Variants in PFAS observed in about 807,000 individuals in gnomAD.
The protein encoded by PFAS is FGAM synthase.
A neutral mutation model predicts 140.6 loss-of-function variants in PFAS; 97 were observed. That is an observed-to-expected ratio of 0.69 (90% CI 0.59 to 0.82). PFAS has a LOEUF of 0.82. Among genes scored for constraint, PFAS ranks in the 40% least tolerant of loss-of-function variants. The pLI is 0.00. For missense variants in PFAS, 1,656 were observed against 1,780.2 expected, an observed-to-expected ratio of 0.93 and a Z score of 1.26; for synonymous variants, 679 against 718.8, an observed-to-expected ratio of 0.94 and a Z score of 0.88.
chr17:8,268,466 C>T, intron 26 of PFAS, 67 bp from the exon 27 acceptor site: 1 of 1,106,828 alleles, frequency 9.0e-7, no homozygotes, highest in Non-Finnish European at 1.3e-6. Context: ...CAGTTATGCC[C>T]CTTCATTCCC....
In PFAS at chr17:8,266,252, G is replaced by T. The variant is rs199830566; in HGVS notation, c.2720G>T (p.Gly907Val). The T allele has an allele frequency of 1.9e-5, 31 of 1,614,066 alleles. No individual in the cohort carries two copies. Among genetic ancestry groups the T allele is most frequent in the Non-Finnish European group, 2.6e-5 (31 of 1,179,986 alleles). Residue 907 changes from glycine to valine, a missense_variant, in exon 22 of 28, where the codon GGC becomes GTC. By Grantham distance (109) the Gly-to-Val change is moderately radical. Around this residue, in one of 2 missense-constraint regions of PFAS, gnomAD observed 883 missense variants for 1,023.0 expected, o/e 0.86. Coordinates refer to ENST00000314666, the MANE Select transcript of PFAS (RefSeq NM_012393.3). This position sits in a 1 kb window ranked among gnomAD's most constrained non-coding sequence, Gnocchi z 5.0. ...GLLKDRLLCS[G>V]HDVSDGGLVT... ...CCTCCAGACCGCCTCCTCTGCTCAGGCCACGATGTCAGTGACGGAGGCCTC... is the reference window on the plus strand; with the variant it reads ...CCTCCAGACCGCCTCCTCTGCTCAGTCCACGATGTCAGTGACGGAGGCCTC...
intron 9 of PFAS, among the ~76,000 whole-genome samples, 176 bp from the exon 10 acceptor site, chr17:8,257,631 A>G (rs1046226038): frequency 6.6e-6 from 1 of 152,080 alleles, no homozygotes; most frequent in Non-Finnish European, 1.5e-5. Flanking sequence ...GGTGGAAAGA[A>G]GACCAGTGCC....
rs1322917292 is a variant in PFAS, at chr17:8,256,581, C to T, written c.879C>T (p.Ser293=). The change falls in exon 8 of 28, where the codon AGC becomes AGT. Residue 293 remains serine, a synonymous_variant. Transcript: ENST00000314666. ...GGCCTGAGGACCCCACACGGCCAAGCCGCTTCCAGCAACAGCAAGGGCTGA... is the reference window on the plus strand; with the variant it reads ...GGCCTGAGGACCCCACACGGCCAAGTCGCTTCCAGCAACAGCAAGGGCTGA... The part of the protein sequence containing the change: ...FLRPEDPTRP[S]RFQQQQGLRH... 1.2e-6 allele frequency: 2 copies of T among 1,614,058 alleles called. No individual in the cohort carries two copies. The highest frequency in any genetic ancestry group is 1.3e-5 in the African/African-American group (1 of 74,946).
chr17:8,262,315 C>T (rs751990306), intron 11 of PFAS: 6 of 152,890 alleles, frequency 3.9e-5, no homozygotes, highest in South Asian at 2.1e-4. Context: ...CTAATACAAA[C>T]GTTACTGTGG....
Position 8,267,685 on chromosome 17 carries a change from C to T in PFAS, c.3382+20C>T, listed in dbSNP as rs370310829. The T allele has an allele frequency of 1.7e-5, 23 of 1,338,676 alleles. No individual in the cohort carries two copies. Among genetic ancestry groups the T allele is most frequent in the Non-Finnish European group, 2.1e-5 (20 of 936,476 alleles). 82.9% of individuals were successfully genotyped at this position (1,338,676 alleles called of 1,614,324 possible). On this transcript the variant is annotated intron_variant, in intron 26 of 27. Coordinates refer to ENST00000314666, the MANE Select transcript of PFAS (RefSeq NM_012393.3). The surrounding 1 kb of genome is among the most constrained non-coding windows in gnomAD (Gnocchi z 4.9). ...CCAAAGGTCAGTGTGCAGGCTTCTG[C>T]CCACTCCCTTCCCCCACATTCCTGA...
At chr17:8,253,217 T>C (rs1193402882) in intron 1 of PFAS, among the ~76,000 whole-genome samples, 2 of 152,112 alleles carry the variant, frequency 1.3e-5, no homozygotes, top group African/African-American at 4.8e-5. Flanking sequence ...ACTTGGCCTT[T>C]CTCCCCCAAT....
intron 1 of PFAS, among the ~76,000 whole-genome samples, chr17:8,253,355 C>T (rs1238705707): frequency 6.6e-6 from 1 of 152,134 alleles, no homozygotes; most frequent in Non-Finnish European, 1.5e-5. Flanking sequence ...TGCCTGTACA[C>T]CTCCCTACCA....
chr17:8,248,150 C>T (rs1254300767), upstream of PFAS: 2 of 781,418 alleles, frequency 2.6e-6, no homozygotes, highest in Non-Finnish European at 4.4e-6. Context: ...CCACCTCCAG[C>T]TCCTTCTCGC....
intron 13 of PFAS, 45 bp from the exon 14 acceptor site, chr17:8,263,530 T>C (rs889287286): frequency 1.3e-6 from 2 of 1,556,414 alleles, no homozygotes; most frequent in Non-Finnish European, 1.8e-6. Context: ...CTTTGTTGCC[T>C]GACCACCACT....
At position 8,263,578 on chromosome 17, in the gene PFAS, A is replaced by G. The variant is rs1989681227; in HGVS notation, c.1571A>G (p.Asn524Ser). Residue 524 changes from asparagine (N) to serine (S), a missense_variant, in exon 14 of 28, where the codon AAT (asparagine) becomes AGT (serine). By Grantham distance (46) the Asn-to-Ser change is conservative. Around this residue, in one of 2 missense-constraint regions of PFAS, gnomAD observed 773 missense variants for 757.3 expected, o/e 1.02. Transcript: ENST00000314666. ...LHDQGAGGNG[N>S]VLKELSDPAG... ...CTCCTTGCAACCCTCTCACCAGGCA[A>G]TGTCCTAAAAGAGCTGAGTGACCCA... 3.7e-6 allele frequency: 6 copies of G among 1,613,750 alleles called. No homozygotes were observed. The African/African-American group carries it at 6.7e-5, about 18-fold the overall frequency.
upstream of PFAS, chr17:8,248,074 T>C: frequency 1.4e-6 from 1 of 699,800 alleles, no homozygotes; most frequent in Non-Finnish European, 2.2e-6. Context: ...GGGCAGGTGC[T>C]CGCTTGGGGG....
Position 8,266,671 on chromosome 17 carries a change from G to A in PFAS, c.2822-82G>A, listed in dbSNP as rs1989826716. The A allele has an allele frequency of 5.9e-6, 9 of 1,531,826 alleles. No homozygotes were observed. The highest frequency in any genetic ancestry group is 1.7e-6 in the Non-Finnish European group (2 of 1,144,188). The allele number at this position is 1,531,826 out of a possible 1,614,324, so 94.9% of individuals were successfully genotyped here. A position where few individuals can be genotyped will look rare whatever the true frequency, so the allele number is the denominator to read the frequency against. On this transcript the variant is annotated intron_variant, in intron 22 of 27. Coordinates refer to ENST00000314666, the MANE Select transcript of PFAS (RefSeq NM_012393.3). The surrounding 1 kb of genome is among the most constrained non-coding windows in gnomAD (Gnocchi z 5.0). ...CTGCATCCCTCTGACCCTCACCCTG[G>A]CCCTTCCTGCATTTCCCTGATCCCG...
Position 8,266,214 on chromosome 17 carries a change from C to G in PFAS, c.2702-20C>G. On this transcript the variant is annotated intron_variant, in intron 21 of 27. Transcript: ENST00000314666. The surrounding 1 kb of genome is among the most constrained non-coding windows in gnomAD (Gnocchi z 5.0). The stretch of plus-strand genomic sequence containing the variant: ...AGGTTTGGGTCCCGAGGTTGCTGAG[C>G]TTTCTTCTCCTTCCTCCAGACCGCC... 1 of 1,613,226 alleles carries G rather than the reference C, an allele frequency of 6.2e-7. No individual in the cohort carries two copies. Among genetic ancestry groups the G allele is most frequent in the Non-Finnish European group, 8.5e-7 (1 of 1,179,548 alleles).
Position 8,264,590 on chromosome 17 carries a change from C to G in PFAS, c.2038C>G (p.Leu680Val). 1 of 1,612,462 alleles carries G rather than the reference C, an allele frequency of 6.2e-7. No individual in the cohort carries two copies. ...GCCCGCCGTGGCCAGCAAGCGCTAC[C>G]TCACCAATAAGGTCCTCCCTGCACC... ...RLPAVASKRY[L>V]TNKVDRSVGG... The change falls in exon 17 of 28, where the codon CTC (leucine) becomes GTC (valine). Residue 680 changes from leucine (L) to valine (V), a missense_variant. Coordinates refer to ENST00000314666, the MANE Select transcript of PFAS (RefSeq NM_012393.3).
At chr17:8,252,367 AC>A (rs1396255187) in intron 1 of PFAS, among the ~76,000 whole-genome samples, 3 of 152,170 alleles carry the variant, frequency 2.0e-5, no homozygotes, top group Non-Finnish European at 4.4e-5. Context: ...AAATTCTTAA[AC>A]AAAAGCTTTG....
chr17:8,265,354 G>A lies in PFAS; in HGVS notation c.2347G>A (p.Asp783Asn), dbSNP rs757856682. 5.0e-6 allele frequency: 8 copies of A among 1,614,196 alleles called. No individual in the cohort carries two copies. Among genetic ancestry groups the A allele is most frequent in the Non-Finnish European group, 6.8e-6 (8 of 1,180,036 alleles). ...KLPGEGAALA[D>N]ACEAMVAVMA... The stretch of plus-strand genomic sequence containing the variant: ...CCCAGGGGAGGGCGCAGCTTTGGCG[G>A]ATGCCTGTGAGGCTATGGTGGCAGT... The change falls in exon 19 of 28, where the codon GAT becomes AAT. Residue 783 changes from aspartate to asparagine, a missense_variant. Asp to Asn is a conservative substitution (Grantham distance 23, BLOSUM62 1). This residue lies in a region of PFAS where 883 missense variants were observed against 1,023.0 expected (regional missense o/e 0.86). Transcript: ENST00000314666.
intron 9 of PFAS, 54 bp from the exon 10 acceptor site, chr17:8,257,753 G>A (rs933254188): frequency 2.3e-5 from 36 of 1,599,654 alleles, no homozygotes; most frequent in African/African-American, 5.4e-5. Context: ...AGGCTGCTCC[G>A]GCCTGTCTTC....
upstream of PFAS, chr17:8,248,213 C>T (rs1479298219): frequency 1.6e-6 from 1 of 615,338 alleles, no homozygotes; most frequent in Non-Finnish European, 2.9e-6. Flanking sequence ...GTGCACCATC[C>T]CAACTCCCGA....
rs958801230 is a variant in PFAS at position 8,263,853 on chromosome 17, C to T, written c.1708C>T (p.Pro570Ser). Reference sequence around the variant, plus strand: ...ATCAAATGCTCTTCTGCTGAGGTCCCCCAACCGGGACTTCCTGACTCATGT... The same window carrying T: ...ATCAAATGCTCTTCTGCTGAGGTCCTCCAACCGGGACTTCCTGACTCATGT... ...QESNALLLRS[P>S]NRDFLTHVSA... Residue 570 changes from proline (P) to serine (S), a missense_variant, in exon 15 of 28, where the codon CCC becomes TCC. Pro to Ser is a moderately conservative substitution (Grantham distance 74, BLOSUM62 -1). This residue lies in a region of PFAS where 773 missense variants were observed against 757.3 expected (regional missense o/e 1.02). Transcript: ENST00000314666. 3.1e-6 allele frequency: 5 copies of T among 1,614,124 alleles called. No individual in the cohort carries two copies. Among genetic ancestry groups the T allele is most frequent in the Admixed American group, 1.7e-5 (1 of 60,016 alleles).
Sources: gnomAD v4.1 joint callset for allele counts (sites outside exome capture counted in the v4.1 genomes callset) on GRCh38, gnomAD v4.1.1 for gene constraint, gnomAD v4.1.1 regional missense constraint, Gnocchi (gnomAD v3.1) non-coding constraint, MANE v1.5 for transcripts, NCBI Gene and HGNC (gene_info 2026-07-23, HGNC 2026-07-21) for gene names.